Variants in EBF1 observed in about 807,000 individuals in gnomAD.
EBF1 encodes EBF transcription factor 1.
In EBF1, 10 loss-of-function variants were observed where a neutral mutation model predicts 68.4. The ratio of observed to expected loss-of-function variants is 0.15; its 90% CI spans 0.09 to 0.25. The LOEUF is 0.25. EBF1 is among the 10% of genes least tolerant of loss of function. The probability of loss-of-function intolerance (pLI) is 1.00; values close to 1 mark genes in which losing one functional copy is unlikely to be tolerated. For missense variants in EBF1, 509 were observed against 794.4 expected, an observed-to-expected ratio of 0.64 and a Z score of 4.32; for synonymous variants, 298 against 299.8, an observed-to-expected ratio of 0.99 and a Z score of 0.06.
chr5:158,752,857 T>C (rs548448771), intron 10 of EBF1, among the ~76,000 whole-genome samples: 7 of 152,166 alleles, frequency 4.6e-5, no homozygotes, highest in African/African-American at 1.4e-4. Context: ...GATGACCAGA[T>C]TGTAACTGTT....
At chr5:158,714,929 C>G (rs1743975297) in intron 11 of EBF1, among the ~76,000 whole-genome samples, 1 of 152,126 alleles carries the variant, frequency 6.6e-6, no homozygotes. Flanking sequence ...ATATCTCCCT[C>G]TTTTTACTTA....
chr5:158,984,868 A>G (rs1758709794), intron 6 of EBF1: 1 of 151,698 alleles, frequency 6.6e-6, no homozygotes, highest in Non-Finnish European at 1.5e-5. Context: ...TATTTTTAGT[A>G]GAGATGGGTT....
chr5:158,903,909 A>G (rs933885998), intron 6 of EBF1, among the ~76,000 whole-genome samples: 2 of 152,116 alleles, frequency 1.3e-5, no homozygotes, highest in Admixed American at 6.5e-5. Context: ...GTGGGCAGGT[A>G]CTATCATGTC....
At position 158,840,118 on chromosome 5, in the gene EBF1, G is replaced by A. The variant is rs983557532; in HGVS notation, c.555-8C>T. 6.2e-7 allele frequency: 1 copy of A among 1,610,080 alleles called. No homozygotes were observed. Among genetic ancestry groups the A allele is most frequent in the Non-Finnish European group, 8.5e-7 (1 of 1,176,546 alleles). ...AAAAATTTCAAGAAGAACCTGTGAA[G>A]AAACAAATCATCATGGTTAGCATTT... On this transcript the variant is annotated splice_region_variant and splice_polypyrimidine_tract_variant and intron_variant, in intron 6 of 15. Coordinates refer to ENST00000313708, the MANE Select transcript of EBF1 (RefSeq NM_024007.5).
chr5:158,831,877 A>T (rs1387822203), intron 7 of EBF1, among the ~76,000 whole-genome samples: 1 of 152,184 alleles, frequency 6.6e-6, no homozygotes, highest in Non-Finnish European at 1.5e-5. Context: ...AGAAAGTGCA[A>T]AGATCCTGAG....
At chr5:158,875,724 T>A (rs993558838) in intron 6 of EBF1, among the ~76,000 whole-genome samples, 1 of 152,264 alleles carries the variant, frequency 6.6e-6, no homozygotes, top group Admixed American at 6.5e-5. Context: ...ACTTGTGCTA[T>A]TTGAATAAGA....
intron 4 of EBF1, among the ~76,000 whole-genome samples, chr5:159,086,287 T>G (rs1460834050): frequency 6.6e-6 from 1 of 152,178 alleles, no homozygotes; most frequent in Admixed American, 6.5e-5. Context: ...CTGTATGTCT[T>G]CAAAATAAGG....
intron 5 of EBF1, 137 bp from the exon 6 acceptor site, chr5:159,073,601 T>C: frequency 1.2e-6 from 1 of 866,470 alleles, no homozygotes; most frequent in East Asian, 2.5e-5. Flanking sequence ...AACGGATCCC[T>C]GGGACAGATA....
intron 6 of EBF1, among the ~76,000 whole-genome samples, chr5:158,892,562 G>A (rs928162493): frequency 6.6e-6 from 1 of 152,132 alleles, no homozygotes; most frequent in African/African-American, 2.4e-5. Flanking sequence ...TCCACTCCTG[G>A]CCTCATGCGA....
At chr5:158,839,111 A>T (rs1004700457) in intron 7 of EBF1, among the ~76,000 whole-genome samples, 3 of 152,300 alleles carry the variant, frequency 2.0e-5, no homozygotes, top group Non-Finnish European at 2.9e-5. Context: ...TCCAAGTACC[A>T]TTTTGTGTCT....
intron 15 of EBF1, among the ~76,000 whole-genome samples, chr5:158,706,256 A>T: frequency 6.6e-6 from 1 of 151,660 alleles, no homozygotes. Flanking sequence ...AGAGTGGGGA[A>T]GAGCGGCGTG....
At chr5:158,746,066 G>A (rs1211228611) in intron 10 of EBF1, among the ~76,000 whole-genome samples, 2 of 152,112 alleles carry the variant, frequency 1.3e-5, no homozygotes, top group Non-Finnish European at 2.9e-5. Context: ...TACTGCTTTG[G>A]GTTATTTCCA....
intron 4 of EBF1, among the ~76,000 whole-genome samples, chr5:159,094,164 G>A (rs1352859509): frequency 7.0e-5 from 1 of 14,206 alleles, no homozygotes; most frequent in Non-Finnish European, 1.3e-4. Flanking sequence ...GCCTTGGAAG[G>A]CAAAAAAAAA....
intron 6 of EBF1, among the ~76,000 whole-genome samples, chr5:158,888,606 T>C (rs1172345272): frequency 1.3e-5 from 2 of 152,058 alleles, no homozygotes; most frequent in South Asian, 2.1e-4. Flanking sequence ...CCAGTAAAAA[T>C]TGACAAATTA....
chr5:158,987,391 T>C (rs537900122), intron 6 of EBF1, among the ~76,000 whole-genome samples: 1 of 152,354 alleles, frequency 6.6e-6, no homozygotes, highest in Admixed American at 6.5e-5. Context: ...TTAAGCCCTC[T>C]AGCCTTCAGC....
intron 15 of EBF1, among the ~76,000 whole-genome samples, chr5:158,707,229 A>G (rs907820148): frequency 5.3e-5 from 8 of 152,232 alleles, no homozygotes; most frequent in Non-Finnish European, 1.2e-4. Flanking sequence ...GACACACAAC[A>G]GAGTGCTAAG....
Position 158,956,462 on chromosome 5 carries a change from G to GAC in EBF1, c.555-116354_555-116353dup, listed in dbSNP as rs771015482. ...GTACCTTAGAATGCACGCACACATA[G>GAC]ACACACACACACACACGCACACACA... On this transcript the variant is annotated intron_variant, in intron 6 of 15. Transcript: ENST00000313708. Among the ~76,000 whole-genome samples, 184 of 150,340 alleles carry GAC rather than the reference G, an allele frequency of 1.2e-3. No individual in the cohort carries two copies. The Middle Eastern group carries it at 0.021, about 17-fold the overall frequency.
chr5:158,701,022 C>T (rs1197718161), intron 15 of EBF1, among the ~76,000 whole-genome samples: 2 of 152,134 alleles, frequency 1.3e-5, no homozygotes, highest in Non-Finnish European at 2.9e-5. Flanking sequence ...GCTATCACTC[C>T]AAAGGCAAGG....
chr5:158,797,682 G>A (rs775608602), intron 8 of EBF1, among the ~76,000 whole-genome samples: 3 of 152,130 alleles, frequency 2.0e-5, no homozygotes, highest in South Asian at 2.1e-4. Context: ...CATTGCTCAC[G>A]TGCCACCACA....
Sources: gnomAD v4.1 joint callset for allele counts (sites outside exome capture counted in the v4.1 genomes callset) on GRCh38, gnomAD v4.1.1 for gene constraint, MANE v1.5 for transcripts, NCBI Gene and HGNC (gene_info 2026-07-23, HGNC 2026-07-21) for gene names.